GNA12: variants seen among roughly 807,000 people sequenced by gnomAD.
GNA12 encodes the protein G protein subunit alpha 12.
A neutral mutation model predicts 26.0 loss-of-function variants in GNA12; 9 were observed. The observed-to-expected ratio is 0.35, with a 90% CI of 0.21 to 0.60. The LOEUF (loss-of-function observed/expected upper bound fraction) is 0.60. Among genes scored for constraint, GNA12 ranks in the 20% least tolerant of loss-of-function variants. The pLI is 0.78. For synonymous variants in GNA12, 264 were observed against 219.6 expected (o/e 1.20, Z -1.79); for missense variants, 405 against 525.8 (o/e 0.77, Z 2.25).
At chr7:2,733,754 G>T (rs1046729729) in intron 2 of GNA12, among the ~76,000 whole-genome samples, 1 of 152,260 alleles carries the variant, frequency 6.6e-6, no homozygotes, top group Non-Finnish European at 1.5e-5. Context: ...TCGCTGCTGG[G>T]TTTTGGTGTG....
intron 1 of GNA12, among the ~76,000 whole-genome samples, chr7:2,806,956 G>A (rs1024217140): frequency 6.6e-5 from 10 of 152,138 alleles, no homozygotes; most frequent in African/African-American, 2.2e-4. Context: ...ACATTTTTGA[G>A]GTTTTGATAA....
chr7:2,736,951 A>G (rs1562394490), intron 2 of GNA12, among the ~76,000 whole-genome samples: 1 of 152,210 alleles, frequency 6.6e-6, no homozygotes, highest in Non-Finnish European at 1.5e-5. Flanking sequence ...AGATCAGTAC[A>G]TGAGGGGCTG....
intron 2 of GNA12, among the ~76,000 whole-genome samples, chr7:2,758,895 A>T (rs58991173): frequency 6.6e-6 from 1 of 152,104 alleles, no homozygotes; most frequent in Non-Finnish European, 1.5e-5. Context: ...CTATAATCCC[A>T]GCGCTCTGGG....
intron 2 of GNA12, among the ~76,000 whole-genome samples, chr7:2,754,791 A>T (rs545969199): frequency 6.6e-6 from 1 of 152,288 alleles, no homozygotes; most frequent in African/African-American, 2.4e-5. Flanking sequence ...AATTTTGATG[A>T]AACAAAAATG....
At position 2,746,131 on chromosome 7, in the gene GNA12, G is replaced by C. The variant is rs1316120904; in HGVS notation, c.526-12630C>G. Among the ~76,000 whole-genome samples, 4 of 152,168 alleles carry C rather than the reference G, an allele frequency of 2.6e-5. No individual in the cohort carries two copies. The South Asian group carries it at 6.2e-4, about 24-fold the overall frequency. ...ATCAACGAGACAGAAAGTTAACAAGGATACCCAGGAATTGAATTCAGCTCT... is the reference window on the plus strand; with the variant it reads ...ATCAACGAGACAGAAAGTTAACAAGCATACCCAGGAATTGAATTCAGCTCT... On this transcript the variant is annotated intron_variant, in intron 2 of 3. Transcript: ENST00000275364.
rs2086484574 is a variant in GNA12, at chr7:2,844,076, G to GCGCCGCTGCCCGCCCTGCGCT, written c.65_85dup (p.Glu22_Gly28dup). 78 of 1,086,538 alleles carry GCGCCGCTGCCCGCCCTGCGCT rather than the reference G, an allele frequency of 7.2e-5. No individual in the cohort carries two copies. Among genetic ancestry groups the GCGCCGCTGCCCGCCCTGCGCT allele is most frequent in the Non-Finnish European group, 8.6e-5 (77 of 898,606 alleles). 67.3% of individuals were successfully genotyped at this position (1,086,538 alleles called of 1,614,324 possible). ...CCGGGCCTCGCGCTCCGCGTCGCGC[G>GCGCCGCTGCCCGCCCTGCGCT]CGCCGCTGCCCGCCCTGCGCTCGCG... On this transcript the variant is annotated inframe_insertion, in exon 1 of 4. Coordinates refer to ENST00000275364, the MANE Select transcript of GNA12 (RefSeq NM_007353.3).
At chr7:2,810,340 C>A (rs1469581627) in intron 1 of GNA12, among the ~76,000 whole-genome samples, 2 of 152,174 alleles carry the variant, frequency 1.3e-5, no homozygotes, top group Admixed American at 6.5e-5. Context: ...TTCATGAGGG[C>A]TCTGTCCTTG....
chr7:2,795,590 T>C (rs1037443710), intron 1 of GNA12, among the ~76,000 whole-genome samples: 7 of 145,320 alleles, frequency 4.8e-5, no homozygotes, highest in Non-Finnish European at 9.0e-5. Context: ...ATTGCTGCAC[T>C]ATATTCTAGG....
chr7:2,816,116 A>G (rs1324703869), intron 1 of GNA12, among the ~76,000 whole-genome samples: 1 of 152,232 alleles, frequency 6.6e-6, no homozygotes, highest in Non-Finnish European at 1.5e-5. Flanking sequence ...ACGGTAAACA[A>G]CCTGAATACG....
intron 2 of GNA12, among the ~76,000 whole-genome samples, chr7:2,773,444 C>T (rs566066726): frequency 6.9e-4 from 105 of 152,254 alleles, no homozygotes; most frequent in African/African-American, 2.0e-3. Context: ...CATCTGTAAT[C>T]CCAGCTACTC....
rs1376411765 is a variant in GNA12 at position 2,844,201 on chromosome 7, G to A, written c.-40C>T. The A allele has an allele frequency of 2.1e-6, 2 of 945,236 alleles. No individual in the cohort carries two copies. The highest frequency in any genetic ancestry group is 2.5e-6 in the Non-Finnish European group (2 of 795,700). 58.6% of individuals were successfully genotyped at this position (945,236 alleles called of 1,614,324 possible). A position where few individuals can be genotyped will look rare whatever the true frequency, so the allele number is the denominator to read the frequency against. On this transcript the variant is annotated 5_prime_UTR_variant, in exon 1 of 4. Transcript: ENST00000275364. ...CGGCCGCGCCCCGCCGGCGCCCGGG[G>A]GCCATGGACGCTCCCGCCGGCGAGG... is the stretch of plus-strand genomic sequence containing the variant.
chr7:2,833,525 C>T (rs2114975529), intron 1 of GNA12, among the ~76,000 whole-genome samples: 1 of 152,278 alleles, frequency 6.6e-6, no homozygotes, highest in African/African-American at 2.4e-5. Context: ...AACATGTAAA[C>T]TCGAAAGCCA....
intron 1 of GNA12, among the ~76,000 whole-genome samples, chr7:2,826,106 C>T (rs1481767113): frequency 4.6e-5 from 7 of 151,972 alleles, no homozygotes; most frequent in African/African-American, 1.7e-4. Flanking sequence ...GGGCCGGGGG[C>T]GGTGGCTCAC....
chr7:2,738,897 C>T (rs1790350831), intron 2 of GNA12, among the ~76,000 whole-genome samples: 1 of 152,172 alleles, frequency 6.6e-6, no homozygotes, highest in Non-Finnish European at 1.5e-5. Context: ...TGACTCTGGC[C>T]ACGCTTTGGC....
At chr7:2,823,442 G>A (rs977919496) in intron 1 of GNA12, among the ~76,000 whole-genome samples, 1 of 152,174 alleles carries the variant, frequency 6.6e-6, no homozygotes, top group Non-Finnish European at 1.5e-5. Context: ...CAGGAACAGA[G>A]GGCATAAGGA....
intron 3 of GNA12, among the ~76,000 whole-genome samples, chr7:2,732,858 G>A (rs1256067555): frequency 6.6e-6 from 1 of 152,180 alleles, no homozygotes. Flanking sequence ...CTGACCAATG[G>A]CAATGCATGA....
chr7:2,738,451 G>C (rs1455598821), intron 2 of GNA12, among the ~76,000 whole-genome samples: 1 of 152,202 alleles, frequency 6.6e-6, no homozygotes, highest in Non-Finnish European at 1.5e-5. Context: ...TCCGTGGCTG[G>C]AAGGAGGTTT....
chr7:2,749,951 C>T (rs954733053), intron 2 of GNA12, among the ~76,000 whole-genome samples: 1 of 152,146 alleles, frequency 6.6e-6, no homozygotes, highest in Non-Finnish European at 1.5e-5. Context: ...TGGAATCTCA[C>T]AGAAGAGAAC....
At chr7:2,795,873 T>C (rs1412938415) in intron 1 of GNA12, among the ~76,000 whole-genome samples, 1 of 148,718 alleles carries the variant, frequency 6.7e-6, no homozygotes, top group Non-Finnish European at 1.5e-5. Context: ...TGGCCTGGAG[T>C]GCAATGGAGT....
Sources: gnomAD v4.1 joint callset for allele counts (sites outside exome capture counted in the v4.1 genomes callset) on GRCh38, gnomAD v4.1.1 for gene constraint, MANE v1.5 for transcripts, NCBI Gene and HGNC (gene_info 2026-07-23, HGNC 2026-07-21) for gene names.